Variants in RPTOR observed in about 807,000 individuals in gnomAD.
The protein encoded by RPTOR is regulatory-associated protein of mTOR.
In RPTOR, 21 loss-of-function variants were observed where a neutral mutation model predicts 169.9. The ratio of observed to expected loss-of-function variants is 0.12; its 90% CI spans 0.09 to 0.18. The LOEUF (loss-of-function observed/expected upper bound fraction) is 0.18. Among genes scored for constraint, RPTOR ranks in the 10% least tolerant of loss-of-function variants. The probability of loss-of-function intolerance (pLI) is 1.00; values close to 1 mark genes in which losing one functional copy is unlikely to be tolerated. For missense variants in RPTOR, 1,133 were observed against 1,855.9 expected (o/e 0.61, Z 7.16); for synonymous variants, 732 against 753.2 (o/e 0.97, Z 0.46).
Position 80,726,220 on chromosome 17 carries a change from C to T in RPTOR, c.508-4340C>T, listed in dbSNP as rs1302604153. The stretch of plus-strand genomic sequence containing the variant: ...TGGCTGTTACGGGGTGAAAGCCCCT[C>T]TTAGAATTTAAAGTCCTAGAGCAGA... On this transcript the variant is annotated intron_variant, in intron 4 of 33. Transcript: ENST00000306801. The surrounding 1 kb of genome is among the most constrained non-coding windows in gnomAD (Gnocchi z 4.5). Among the ~76,000 whole-genome samples the T allele has an allele frequency of 2.0e-5, 3 of 152,164 alleles. No homozygotes were observed. The highest frequency in any genetic ancestry group is 2.0e-4 in the Admixed American group (3 of 15,284).
intron 1 of RPTOR, among the ~76,000 whole-genome samples, chr17:80,620,724 C>T (rs2065348321): frequency 6.6e-6 from 1 of 152,222 alleles, no homozygotes; most frequent in African/African-American, 2.4e-5. Flanking sequence ...CGAGATCGTG[C>T]CACTGCACGT....
intron 4 of RPTOR, among the ~76,000 whole-genome samples, chr17:80,714,189 C>T (rs921413388): frequency 6.6e-6 from 1 of 152,190 alleles, no homozygotes; most frequent in Non-Finnish European, 1.5e-5. Context: ...GATCTGCCGG[C>T]CTCGGCCTCC....
chr17:80,760,509 C>G (rs2143366785), intron 6 of RPTOR, among the ~76,000 whole-genome samples: 1 of 152,156 alleles, frequency 6.6e-6, no homozygotes, highest in South Asian at 2.1e-4. Context: ...ACCATGTTGG[C>G]CAGGCTGGCA....
intron 1 of RPTOR, among the ~76,000 whole-genome samples, chr17:80,585,077 A>G (rs2065047360): frequency 6.6e-6 from 1 of 152,152 alleles, no homozygotes; most frequent in African/African-American, 2.4e-5. Context: ...AAAGCTAGGG[A>G]GGGGTGCCAT....
At chr17:80,668,184 T>C (rs753443071) in intron 3 of RPTOR, among the ~76,000 whole-genome samples, 4 of 152,194 alleles carry the variant, frequency 2.6e-5, no homozygotes, top group Non-Finnish European at 4.4e-5. Context: ...GGGCCTCCAC[T>C]AGACAAAGTT....
chr17:80,949,294 A>C (rs995755280), intron 27 of RPTOR, 149 bp from the exon 28 acceptor site: 3 of 714,744 alleles, frequency 4.2e-6, no homozygotes, highest in East Asian at 2.5e-5. Flanking sequence ...GTGGGCACCC[A>C]GAGATCTGGA....
chr17:80,724,604 G>A (rs1377056397), intron 4 of RPTOR, among the ~76,000 whole-genome samples: 2 of 152,162 alleles, frequency 1.3e-5, no homozygotes, highest in East Asian at 3.9e-4. Context: ...GGCGAGGCCA[G>A]GTTCTCCCAT....
intron 7 of RPTOR, among the ~76,000 whole-genome samples, chr17:80,793,658 C>A (rs547440852): frequency 1.8e-3 from 280 of 152,236 alleles, no homozygotes; most frequent in African/African-American, 6.4e-3. Flanking sequence ...CCGGACAGAG[C>A]CCCCCGGTCA....
At chr17:80,684,413 T>C (rs2065920534) in intron 3 of RPTOR, among the ~76,000 whole-genome samples, 1 of 34,246 alleles carries the variant, frequency 2.9e-5, no homozygotes, top group South Asian at 1.4e-3. Flanking sequence ...TGTTTATTTA[T>C]TTATTTATTT....
intron 7 of RPTOR, among the ~76,000 whole-genome samples, chr17:80,794,075 G>T (rs991744179): frequency 5.3e-5 from 8 of 151,792 alleles, no homozygotes. Context: ...ATTCACAAAA[G>T]AAAAAAAATT....
Position 80,860,395 on chromosome 17 carries a change from G to A in RPTOR, c.1509+2495G>A, listed in dbSNP as rs1056088613. Among the ~76,000 whole-genome samples, 1 of 152,146 alleles carries A rather than the reference G, an allele frequency of 6.6e-6. No individual in the cohort carries two copies. Among genetic ancestry groups the A allele is most frequent in the East Asian group, 1.9e-4 (1 of 5,166 alleles). On this transcript the variant is annotated intron_variant, in intron 13 of 33. Transcript: ENST00000306801. The surrounding 1 kb of genome is among the most constrained non-coding windows in gnomAD (Gnocchi z 5.8). The stretch of plus-strand genomic sequence containing the variant: ...GCACACCCCACACAAAGCCACTGCT[G>A]TGTCTCCCACCCACAGCCGCTGCTG...
intron 28 of RPTOR, among the ~76,000 whole-genome samples, chr17:80,951,333 C>T (rs920543989): frequency 1.3e-5 from 2 of 152,248 alleles, no homozygotes; most frequent in African/African-American, 4.8e-5. Flanking sequence ...GCCCAGCTTA[C>T]ATATCAGGAA....
chr17:80,959,853 G>A lies in RPTOR; in HGVS notation c.3478-225G>A, dbSNP rs1400495722. ...CTCAGGGCTGTCCCTCCAGGGCCAA[G>A]GGATAAGGGCGTGACTCATTGTCCT... On this transcript the variant is annotated intron_variant, in intron 29 of 33. Coordinates refer to ENST00000306801, the MANE Select transcript of RPTOR (RefSeq NM_020761.3). The surrounding 1 kb of genome is among the most constrained non-coding windows in gnomAD (Gnocchi z 6.7). 1.3e-5 allele frequency among the ~76,000 whole-genome samples: 2 copies of A among 152,200 alleles called. No homozygotes were observed. Among genetic ancestry groups the A allele is most frequent in the African/African-American group, 2.4e-5 (1 of 41,456 alleles).
chr17:80,676,276 T>C (rs2065860964), intron 3 of RPTOR, among the ~76,000 whole-genome samples: 1 of 152,218 alleles, frequency 6.6e-6, no homozygotes. Context: ...GAATGGCGAA[T>C]GGGATTTGAT....
intron 28 of RPTOR, among the ~76,000 whole-genome samples, chr17:80,952,853 T>G: frequency 8.3e-6 from 1 of 120,736 alleles, no homozygotes; most frequent in African/African-American, 3.1e-5. Flanking sequence ...TTTTCTTTTC[T>G]TCTTTTTTTT....
intron 1 of RPTOR, among the ~76,000 whole-genome samples, chr17:80,611,924 A>C (rs566472070): frequency 1.2e-4 from 18 of 152,132 alleles, no homozygotes; most frequent in African/African-American, 4.1e-4. Context: ...GTGTTTCCTC[A>C]TGGCATCATT....
rs1249278142 is a variant in RPTOR at position 80,964,867 on chromosome 17, A to C, written c.*537A>C. On this transcript the variant is annotated 3_prime_UTR_variant, in exon 34 of 34. Coordinates refer to ENST00000306801, the MANE Select transcript of RPTOR (RefSeq NM_020761.3). Reference sequence around the variant, plus strand: ...TTCCTAGCCAGCTGGGGGACACTGGAAATTCGGGAAACCAAGAGAGAGGAA... The same window carrying C: ...TTCCTAGCCAGCTGGGGGACACTGGCAATTCGGGAAACCAAGAGAGAGGAA... The C allele has an allele frequency of 4.3e-6, 1 of 233,868 alleles. No homozygotes were observed. The highest frequency in any genetic ancestry group is 8.4e-6 in the Non-Finnish European group (1 of 118,574). The allele number at this position is 233,868 out of a possible 1,614,324, so 14.5% of individuals were successfully genotyped here.
At chr17:80,618,524 G>C (rs953415982) in intron 1 of RPTOR, among the ~76,000 whole-genome samples, 1 of 152,238 alleles carries the variant, frequency 6.6e-6, no homozygotes, top group African/African-American at 2.4e-5. Context: ...TAGCACTCAC[G>C]TGTGCGAAGG....
At chr17:80,768,852 G>A (rs148583218) in intron 6 of RPTOR, among the ~76,000 whole-genome samples, 8 of 152,108 alleles carry the variant, frequency 5.3e-5, no homozygotes, top group Non-Finnish European at 1.0e-4. Context: ...TATTTAATCA[G>A]TGACGTTAGG....
Sources: gnomAD v4.1 joint callset for allele counts (sites outside exome capture counted in the v4.1 genomes callset) on GRCh38, gnomAD v4.1.1 for gene constraint, Gnocchi (gnomAD v3.1) non-coding constraint, MANE v1.5 for transcripts, NCBI Gene and HGNC (gene_info 2026-07-23, HGNC 2026-07-21) for gene names.